ALMS1: variants seen among roughly 807,000 people sequenced by gnomAD.
ALMS1 encodes the protein centrosome-associated protein ALMS1.
In ALMS1, 271 loss-of-function variants were observed where a neutral mutation model predicts 352.2. The ratio of observed to expected loss-of-function variants is 0.77; its 90% confidence interval spans 0.70 to 0.85. The LOEUF is 0.85. Ranked by LOEUF, ALMS1 falls within the 40% of genes least tolerant of loss-of-function variation. The probability of loss-of-function intolerance (pLI) is 0.00; values close to 1 mark genes in which losing one functional copy is unlikely to be tolerated. For missense variants in ALMS1, 5,445 were observed against 4,870.7 expected (o/e 1.12, Z -3.51); for synonymous variants, 1,865 against 1,761.2 (o/e 1.06, Z -1.48).
chr2:73,413,195 G>A (rs1049270600), intron 2 of ALMS1, among the ~76,000 whole-genome samples: 1 of 151,666 alleles, frequency 6.6e-6, no homozygotes, highest in Non-Finnish European at 1.5e-5. Flanking sequence ...TTTGAGCTTT[G>A]GGAGTTCTTC....
chr2:73,394,955 G>A (rs1414500743), intron 1 of ALMS1, among the ~76,000 whole-genome samples: 1 of 142,834 alleles, frequency 7.0e-6, no homozygotes, highest in Non-Finnish European at 1.5e-5. Context: ...CTTAGAAAAG[G>A]TATAGTAAAA....
chr2:73,577,473 T>G (rs907454119), intron 16 of ALMS1, among the ~76,000 whole-genome samples: 8 of 152,120 alleles, frequency 5.3e-5, no homozygotes, highest in African/African-American at 1.9e-4. Flanking sequence ...TAGTATGTTT[T>G]TTTTTCTTCT....
intron 12 of ALMS1, among the ~76,000 whole-genome samples, chr2:73,540,097 G>C (rs6737693): frequency 0.064 from 9,667 of 152,190 alleles, 781 homozygotes; most frequent in African/African-American, 0.17. Flanking sequence ...AAATGAAGGA[G>C]AAAATGTTAA....
chr2:73,473,356 A>G lies in ALMS1; in HGVS notation c.7675-16278A>G, dbSNP rs542553467. Among the ~76,000 whole-genome samples the G allele has an allele frequency of 8.3e-4, 127 of 152,210 alleles. 1 individual carries two copies. The highest frequency in any genetic ancestry group is 2.7e-3 in the African/African-American group (113 of 41,550). ...CTGAAGCTAAGTGAGCACAGACTTC[A>G]GTTCCATGCACAACAAAGAATGTAA... On this transcript the variant is annotated intron_variant, in intron 9 of 22. Coordinates refer to ENST00000613296, the MANE Select transcript of ALMS1 (RefSeq NM_001378454.1).
At chr2:73,600,506 C>A (rs549631725) in intron 17 of ALMS1, among the ~76,000 whole-genome samples, 172 bp from the exon 18 acceptor site, 68 of 151,982 alleles carry the variant, frequency 4.5e-4, no homozygotes, top group Non-Finnish European at 7.9e-4. Context: ...CCTCTTTTTC[C>A]CTCCTACTCT....
At chr2:73,541,409 A>G (rs1674176842) in intron 12 of ALMS1, among the ~76,000 whole-genome samples, 1 of 152,260 alleles carries the variant, frequency 6.6e-6, no homozygotes, top group South Asian at 2.1e-4. Context: ...AAATGCCCAC[A>G]AGAGAAAGCA....
intron 9 of ALMS1, chr2:73,469,911 A>T (rs1182510851): frequency 1.3e-5 from 2 of 151,934 alleles, no homozygotes; most frequent in Non-Finnish European, 2.9e-5. Context: ...GGGTGACTCA[A>T]GCTATCAAGT....
chr2:73,421,681 T>C (rs970519476), intron 3 of ALMS1, among the ~76,000 whole-genome samples: 5 of 152,066 alleles, frequency 3.3e-5, no homozygotes, highest in African/African-American at 1.2e-4. Flanking sequence ...AGATGGGAAG[T>C]GGATAGACTG....
rs901814695 is a variant in ALMS1 at position 73,455,523 on chromosome 2, C to T, written c.7674+228C>T. Among the ~76,000 whole-genome samples, 7 of 152,304 alleles carry T rather than the reference C, an allele frequency of 4.6e-5. 1 individual carries two copies. Among genetic ancestry groups the T allele is most frequent in the Middle Eastern group, 6.8e-3 (2 of 294 alleles). On this transcript the variant is annotated intron_variant, in intron 9 of 22. Coordinates refer to ENST00000613296, the MANE Select transcript of ALMS1 (RefSeq NM_001378454.1). The stretch of plus-strand genomic sequence containing the variant: ...GACTCAAGGAATCCTCCCACCTCAG[C>T]CTCTCAGGTAGCTGGGACCACATGT...
Position 73,402,017 on chromosome 2 carries a change from GTATGTGTGTGTGTGT to G in ALMS1, c.325-6589_325-6575del, listed in dbSNP as rs1031363263. 4.7e-5 allele frequency among the ~76,000 whole-genome samples: 7 copies of G among 148,074 alleles called. No individual in the cohort carries two copies. The East Asian group carries it at 5.8e-4, about 12-fold the overall frequency. On this transcript the variant is annotated intron_variant, in intron 1 of 22. Transcript: ENST00000613296. ...TTCCTCCCCCTTCCCCTCCTCGTGT[GTATGTGTGTGTGTGT>G]TATGTGTGTGTGTGTGTGAGTGTGA...
chr2:73,481,046 A>C (rs1572961168), intron 9 of ALMS1, among the ~76,000 whole-genome samples: 1 of 151,422 alleles, frequency 6.6e-6, no homozygotes, highest in East Asian at 1.9e-4. Flanking sequence ...CTCTGATGGT[A>C]GTTTCTTTTG....
At chr2:73,440,965 A>G (rs910933606) in intron 7 of ALMS1, among the ~76,000 whole-genome samples, 1 of 152,146 alleles carries the variant, frequency 6.6e-6, no homozygotes, top group Non-Finnish European at 1.5e-5. Flanking sequence ...CTTCAGTGGT[A>G]CCATTGAGGC....
intron 10 of ALMS1, among the ~76,000 whole-genome samples, chr2:73,516,829 A>G (rs1673567045): frequency 6.6e-6 from 1 of 152,208 alleles, no homozygotes; most frequent in Non-Finnish European, 1.5e-5. Flanking sequence ...CTGAGAGTCT[A>G]GTGAGTCTTT....
Position 73,448,665 on chromosome 2 carries a change from C to T in ALMS1, c.2138C>T (p.Ser713Phe), listed in dbSNP as rs771496254. The change falls in exon 8 of 23, where the codon TCT (serine) becomes TTT (phenylalanine). Residue 713 changes from serine (S) to phenylalanine (F), a missense_variant. Ser to Phe is a radical substitution (Grantham distance 155, BLOSUM62 -2). Coordinates refer to ENST00000613296, the MANE Select transcript of ALMS1 (RefSeq NM_001378454.1). Reference protein sequence around the residue: ...DQKTGTATVLSTPHSHREKPG... With the variant: ...DQKTGTATVLFTPHSHREKPG... ...AAGACTGGGACAGCAACAGTACTCT[C>T]TACTCCCCACTCACATAGAGAGAAG... 1.2e-6 allele frequency: 2 copies of T among 1,613,874 alleles called. No homozygotes were observed. The highest frequency in any genetic ancestry group is 1.7e-6 in the Non-Finnish European group (2 of 1,179,940).
At chr2:73,421,470 G>T (rs1187823139) in intron 3 of ALMS1, among the ~76,000 whole-genome samples, 1 of 152,144 alleles carries the variant, frequency 6.6e-6, no homozygotes, top group Non-Finnish European at 1.5e-5. Flanking sequence ...GTTTAAGACT[G>T]CTTCTCTGTG....
At chr2:73,485,812 A>T (rs1442629872) in intron 9 of ALMS1, among the ~76,000 whole-genome samples, 1 of 152,102 alleles carries the variant, frequency 6.6e-6, no homozygotes, top group African/African-American at 2.4e-5. Context: ...AAAGCGCAGT[A>T]TTCGGGTGGG....
At chr2:73,512,649 C>G (rs1673476373) in intron 10 of ALMS1, among the ~76,000 whole-genome samples, 1 of 151,796 alleles carries the variant, frequency 6.6e-6, no homozygotes, top group Admixed American at 6.6e-5. Flanking sequence ...TGTACAAAAC[C>G]AAGTTTTCTT....
At chr2:73,549,781 T>A (rs562304799) in intron 12 of ALMS1, among the ~76,000 whole-genome samples, 4 of 152,334 alleles carry the variant, frequency 2.6e-5, no homozygotes, top group African/African-American at 9.6e-5. Context: ...TTTACATGGC[T>A]TACAACTTCA....
intron 7 of ALMS1, among the ~76,000 whole-genome samples, chr2:73,440,199 C>G (rs1671688628): frequency 6.6e-6 from 1 of 151,068 alleles, no homozygotes; most frequent in African/African-American, 2.4e-5. Context: ...GCCAGGCTGG[C>G]TTCGAACTCC....
Sources: gnomAD v4.1 joint callset for allele counts (sites outside exome capture counted in the v4.1 genomes callset) on GRCh38, gnomAD v4.1.1 for gene constraint, MANE v1.5 for transcripts, NCBI Gene and HGNC (gene_info 2026-07-23, HGNC 2026-07-21) for gene names.